Variants in CAPN2 observed in about 807,000 individuals in gnomAD.
The protein encoded by CAPN2 is calpain-2 catalytic subunit.
CAPN2 carries 92 observed loss-of-function variants against 102.3 expected under a neutral mutation model. The ratio of observed to expected loss-of-function variants is 0.90; its 90% CI spans 0.76 to 1.07. The LOEUF (loss-of-function observed/expected upper bound fraction) is 1.07. Ranked by LOEUF, CAPN2 falls within the 50% of genes least tolerant of loss-of-function variation. CAPN2 has a pLI of 0.00. For synonymous variants in CAPN2, 340 were observed against 355.4 expected (o/e 0.96, Z 0.49); for missense variants, 800 against 909.4 (o/e 0.88, Z 1.55).
rs1252013225 is a variant in CAPN2 at position 223,755,106 on chromosome 1, G to T, written c.1136-374G>T. 6.6e-6 allele frequency among the ~76,000 whole-genome samples: 1 copy of T among 152,120 alleles called. No individual in the cohort carries two copies. Among genetic ancestry groups the T allele is most frequent in the Non-Finnish European group, 1.5e-5 (1 of 68,008 alleles). On this transcript the variant is annotated intron_variant, in intron 9 of 20. Coordinates refer to ENST00000295006, the MANE Select transcript of CAPN2 (RefSeq NM_001748.5). This position sits in a 1 kb window ranked among gnomAD's most constrained non-coding sequence, Gnocchi z 4.1. ...ACCCGTCTCCAGCCTAACAAAGCCTGCAGTCCACACTCCAACCCTGGTGTC... is the reference window on the plus strand; with the variant it reads ...ACCCGTCTCCAGCCTAACAAAGCCTTCAGTCCACACTCCAACCCTGGTGTC...
intron 2 of CAPN2, among the ~76,000 whole-genome samples, chr1:223,737,356 T>C (rs1454715332): frequency 6.6e-6 from 1 of 152,170 alleles, no homozygotes; most frequent in African/African-American, 2.4e-5. Flanking sequence ...ACGGGGCAGC[T>C]TAGGAACCTC....
At chr1:223,735,552 G>T (rs1660435709) in intron 2 of CAPN2, among the ~76,000 whole-genome samples, 2 of 151,200 alleles carry the variant, frequency 1.3e-5, no homozygotes, top group South Asian at 2.1e-4. Context: ...AAAATTTGTG[G>T]TCTTCTAACC....
At chr1:223,704,767 A>C (rs1659566797) in intron 1 of CAPN2, among the ~76,000 whole-genome samples, 1 of 152,202 alleles carries the variant, frequency 6.6e-6, no homozygotes, top group South Asian at 2.1e-4. Flanking sequence ...GGATATCAAC[A>C]AAAAAATAGT....
At chr1:223,745,263 C>T (rs375748729) in intron 3 of CAPN2, 43 bp from the exon 4 acceptor site, 117 of 1,612,744 alleles carry the variant, frequency 7.3e-5, no homozygotes, top group Non-Finnish European at 9.4e-5. Flanking sequence ...AGTCCCAGTG[C>T]TGCCACCAGC....
intron 12 of CAPN2, among the ~76,000 whole-genome samples, chr1:223,760,441 G>A (rs1661156515): frequency 6.6e-6 from 1 of 152,196 alleles, no homozygotes; most frequent in Non-Finnish European, 1.5e-5. Context: ...GGCGAAGGGA[G>A]ACAAAGCAAT....
At chr1:223,744,591 T>C (rs1660706048) in intron 3 of CAPN2, among the ~76,000 whole-genome samples, 1 of 152,170 alleles carries the variant, frequency 6.6e-6, no homozygotes, top group South Asian at 2.1e-4. Flanking sequence ...CTGGGCACGG[T>C]AGCTCATGCC....
At chr1:223,753,105 T>A in intron 9 of CAPN2, 149 bp downstream of exon 9, 1 of 720,664 alleles carries the variant, frequency 1.4e-6, no homozygotes, top group Non-Finnish European at 2.4e-6. Context: ...TCTTTCTCCC[T>A]GAGCCTTTTC....
At chr1:223,721,471 A>G (rs1304355421) in intron 2 of CAPN2, among the ~76,000 whole-genome samples, 1 of 152,238 alleles carries the variant, frequency 6.6e-6, no homozygotes, top group Non-Finnish European at 1.5e-5. Flanking sequence ...CCAGGAAGGC[A>G]TAGGTCACCT....
At position 223,749,116 on chromosome 1, in the gene CAPN2, C is replaced by T; in HGVS notation, c.807C>T (p.Ala269=). The change falls in exon 6 of 21, where the codon GCC becomes GCT. Residue 269 remains alanine (A), a synonymous_variant. Coordinates refer to ENST00000295006, the MANE Select transcript of CAPN2 (RefSeq NM_001748.5). ...GGCACGCGTACTCGGTCACCGGAGCCGAGGAGGTAACGGCCGGCGCGGATG... is the reference window on the plus strand; with the variant it reads ...GGCACGCGTACTCGGTCACCGGAGCTGAGGAGGTAACGGCCGGCGCGGATG... ...VKGHAYSVTG[A]EEVESNGSLQ... The T allele has an allele frequency of 2.5e-6, 4 of 1,613,948 alleles. No homozygotes were observed. Among genetic ancestry groups the T allele is most frequent in the African/African-American group, 1.3e-5 (1 of 75,064 alleles).
intron 2 of CAPN2, among the ~76,000 whole-genome samples, chr1:223,732,441 A>G (rs962074837): frequency 3.9e-5 from 6 of 152,220 alleles, no homozygotes; most frequent in Non-Finnish European, 8.8e-5. Flanking sequence ...TCCTCTTTTT[A>G]GATCACGTAG....
At position 223,717,871 on chromosome 1, in the gene CAPN2, G is replaced by A. The variant is rs367904166; in HGVS notation, c.307+40G>A. ...CAGAGCAAGCTGGGGGATCTTGTCT[G>A]TAAGGCTGTGGGTGGAAGAGATGAG... On this transcript the variant is annotated intron_variant, in intron 2 of 20. Coordinates refer to ENST00000295006, the MANE Select transcript of CAPN2 (RefSeq NM_001748.5). 5 of 1,498,416 alleles carry A rather than the reference G, an allele frequency of 3.3e-6. No individual in the cohort carries two copies. In the African/African-American group the frequency reaches 4.1e-5, roughly 12 times the overall value. The allele number at this position is 1,498,416 out of a possible 1,614,324, so 92.8% of individuals were successfully genotyped here. A position where few individuals can be genotyped will look rare whatever the true frequency, so the allele number is the denominator to read the frequency against.
At position 223,766,375 on chromosome 1, in the gene CAPN2, A is replaced by T; in HGVS notation, c.1699A>T (p.Ile567Phe). Residue 567 changes from isoleucine (I) to phenylalanine (F), a missense_variant, in exon 16 of 21, where the codon ATC becomes TTC. By Grantham distance (21) the Ile-to-Phe change is conservative. Coordinates refer to ENST00000295006, the MANE Select transcript of CAPN2 (RefSeq NM_001748.5). ...CTGATTTTGTCTTTTAGGCCAAGAT[A>T]TCAAGTCAGATGGCTTCAGCATCGA... ...LRRVLAKRQD[I>F]KSDGFSIETC... 1 of 1,613,700 alleles carries T rather than the reference A, an allele frequency of 6.2e-7. No individual in the cohort carries two copies. Among genetic ancestry groups the T allele is most frequent in the Non-Finnish European group, 8.5e-7 (1 of 1,179,544 alleles).
rs1269863050 is a variant in CAPN2 at position 223,726,951 on chromosome 1, C to T, written c.307+9120C>T. 3.9e-5 allele frequency among the ~76,000 whole-genome samples: 6 copies of T among 152,210 alleles called. No homozygotes were observed. The highest frequency in any genetic ancestry group is 3.9e-4 in the Admixed American group (6 of 15,278). On this transcript the variant is annotated intron_variant, in intron 2 of 20. Transcript: ENST00000295006. The surrounding 1 kb of genome is among the most constrained non-coding windows in gnomAD (Gnocchi z 4.4). ...GTGTGCATTTCCTCTAGAGAAGCCCCTCCCTGCCAGTTTCAGAGGGATGGC... is the reference window on the plus strand; with the variant it reads ...GTGTGCATTTCCTCTAGAGAAGCCCTTCCCTGCCAGTTTCAGAGGGATGGC...
At chr1:223,714,227 T>C (rs1410409501) in intron 1 of CAPN2, among the ~76,000 whole-genome samples, 3 of 152,246 alleles carry the variant, frequency 2.0e-5, no homozygotes, top group Non-Finnish European at 4.4e-5. Context: ...TTCTTCCTAC[T>C]GAACTGCAGG....
At position 223,727,392 on chromosome 1, in the gene CAPN2, C is replaced by T. The variant is rs1571788508; in HGVS notation, c.307+9561C>T. Reference sequence around the variant, plus strand: ...TCCTTGGCCTCTACCCACACACCCCCGTGTGCCACTCAAAAATGTCTGCAG... The same window carrying T: ...TCCTTGGCCTCTACCCACACACCCCTGTGTGCCACTCAAAAATGTCTGCAG... On this transcript the variant is annotated intron_variant, in intron 2 of 20. Transcript: ENST00000295006. The surrounding 1 kb of genome is among the most constrained non-coding windows in gnomAD (Gnocchi z 4.1). Among the ~76,000 whole-genome samples, 1 of 152,198 alleles carries T rather than the reference C, an allele frequency of 6.6e-6. No homozygotes were observed. The highest frequency in any genetic ancestry group is 2.4e-5 in the African/African-American group (1 of 41,454).
intron 2 of CAPN2, among the ~76,000 whole-genome samples, chr1:223,734,499 C>A (rs1558065259): frequency 6.6e-6 from 1 of 152,118 alleles, no homozygotes; most frequent in African/African-American, 2.4e-5. Flanking sequence ...ACACCCCTTG[C>A]TTCCAAAGAA....
Position 223,752,048 on chromosome 1 carries a change from A to C in CAPN2, c.951A>C (p.Arg317Ser), listed in dbSNP as rs1660915358. The C allele has an allele frequency of 1.9e-6, 3 of 1,613,072 alleles. No homozygotes were observed. The highest frequency in any genetic ancestry group is 2.2e-5 in the South Asian group (2 of 91,048). Residue 317 changes from arginine (R) to serine (S), a missense_variant, in exon 8 of 21, where the codon AGA becomes AGC. Arg to Ser is a moderately radical substitution (Grantham distance 110). Transcript: ENST00000295006. ...CAGAGGAGAGGGAAAGGCTGACCAGACGGCATGAAGATGGAGAATTCTGGT... is the reference window on the plus strand; with the variant it reads ...CAGAGGAGAGGGAAAGGCTGACCAGCCGGCATGAAGATGGAGAATTCTGGT... ...IDPEERERLTRRHEDGEFWMS... is the reference protein window; with the variant it reads ...IDPEERERLTSRHEDGEFWMS...
chr1:223,768,165 C>T (rs1187444267), intron 16 of CAPN2, among the ~76,000 whole-genome samples: 1 of 150,156 alleles, frequency 6.7e-6, no homozygotes, highest in Non-Finnish European at 1.5e-5. Context: ...ATGGTAGTTT[C>T]TTTTGCTGTG....
Position 223,756,866 on chromosome 1 carries a change from G to C in CAPN2, c.1306-503G>C, listed in dbSNP as rs768096223. 6.6e-6 allele frequency among the ~76,000 whole-genome samples: 1 copy of C among 152,132 alleles called. No homozygotes were observed. The highest frequency in any genetic ancestry group is 2.1e-4 in the South Asian group (1 of 4,824). ...CTTATGGGCTTGGAAATGCAGCCAC[G>C]GGCTTTCAGAGTTGGGACGGACCTT... On this transcript the variant is annotated intron_variant, in intron 10 of 20. Transcript: ENST00000295006. The surrounding 1 kb of genome is among the most constrained non-coding windows in gnomAD (Gnocchi z 4.1).
Sources: gnomAD v4.1 joint callset for allele counts (sites outside exome capture counted in the v4.1 genomes callset) on GRCh38, gnomAD v4.1.1 for gene constraint, Gnocchi (gnomAD v3.1) non-coding constraint, MANE v1.5 for transcripts, NCBI Gene and HGNC (gene_info 2026-07-23, HGNC 2026-07-21) for gene names.